The following SGCZ variants were observed in gnomAD, a reference collection of about 807,000 sequenced individuals.
SGCZ encodes sarcoglycan zeta, also known as zeta-sarcoglycan.
SGCZ carries 40 observed loss-of-function variants against 41.3 expected under a neutral mutation model. The ratio of observed to expected loss-of-function variants is 0.97; its 90% CI spans 0.75 to 1.26. The LOEUF is 1.26. Among genes scored for constraint, SGCZ ranks in the 50% most tolerant of loss-of-function variants. The pLI is 0.00. For synonymous variants in SGCZ, 206 were observed against 137.5 expected, an observed-to-expected ratio of 1.50 and a Z score of -3.49; for missense variants, 552 against 369.8, an observed-to-expected ratio of 1.49 and a Z score of -4.04.
At chr8:14,456,946 T>C (rs1800763158) in intron 2 of SGCZ, among the ~76,000 whole-genome samples, 1 of 152,218 alleles carries the variant, frequency 6.6e-6, no homozygotes, top group Non-Finnish European at 1.5e-5. Flanking sequence ...GTTCTCACTT[T>C]GCCTTCTGCC....
At position 14,656,342 on chromosome 8, in the gene SGCZ, C is replaced by T. The variant is rs557253055; in HGVS notation, c.40-101416G>A. On this transcript the variant is annotated intron_variant, in intron 1 of 7. Transcript: ENST00000382080. ...CTTCCTCCTCCTCTATCCCTCCCTT[C>T]CTTCTCTCCTTCCTTCTTCCTTTTC... Among the ~76,000 whole-genome samples the T allele has an allele frequency of 1.4e-3, 211 of 151,306 alleles. 1 individual carries two copies. Among genetic ancestry groups the T allele is most frequent in the Middle Eastern group, 3.4e-3 (1 of 292 alleles).
chr8:14,153,705 CA>C (rs974699264), intron 5 of SGCZ, among the ~76,000 whole-genome samples: 2 of 152,080 alleles, frequency 1.3e-5, no homozygotes, highest in Admixed American at 6.5e-5. Flanking sequence ...CTAAGGACCA[CA>C]TAGCCATTGA....
chr8:14,110,356 G>A (rs1264423970), intron 5 of SGCZ, among the ~76,000 whole-genome samples: 3 of 151,758 alleles, frequency 2.0e-5, no homozygotes, highest in Non-Finnish European at 2.9e-5. Flanking sequence ...ATTAAACATC[G>A]GTAATATTTA....
At chr8:15,185,340 G>C (rs1347879919) in intron 1 of SGCZ, among the ~76,000 whole-genome samples, 2 of 152,160 alleles carry the variant, frequency 1.3e-5, no homozygotes, top group Non-Finnish European at 1.5e-5. Context: ...TAAAAAATGT[G>C]TTGGTTTTTA....
intron 7 of SGCZ, among the ~76,000 whole-genome samples, chr8:14,094,931 C>T (rs558945940): frequency 8.5e-5 from 13 of 152,192 alleles, no homozygotes; most frequent in African/African-American, 2.9e-4. Flanking sequence ...GCATAAATAT[C>T]TTCTTTGGAC....
intron 1 of SGCZ, among the ~76,000 whole-genome samples, chr8:15,007,850 A>G (rs960885819): frequency 1.3e-5 from 2 of 152,214 alleles, no homozygotes; most frequent in Non-Finnish European, 2.9e-5. Flanking sequence ...TCAAACTTAC[A>G]TATGAGAACT....
intron 2 of SGCZ, among the ~76,000 whole-genome samples, chr8:14,418,439 G>A (rs1026517050): frequency 1.3e-5 from 2 of 151,932 alleles, no homozygotes; most frequent in Non-Finnish European, 2.9e-5. Context: ...ACTTCTGGTA[G>A]TATGATTGTA....
intron 1 of SGCZ, among the ~76,000 whole-genome samples, chr8:14,658,952 T>C (rs1277140589): frequency 6.6e-6 from 1 of 151,926 alleles, no homozygotes; most frequent in Non-Finnish European, 1.5e-5. Flanking sequence ...ACGAAAAAAG[T>C]CTCTACAGCT....
intron 4 of SGCZ, among the ~76,000 whole-genome samples, chr8:14,190,014 CTTTTTT>C (rs71304966): frequency 4.0e-5 from 4 of 100,202 alleles, no homozygotes; most frequent in African/African-American, 1.4e-4. Context: ...TTCTTTCTTT[CTTTTTT>C]TTTTTTTTTT....
chr8:14,107,364 G>A (rs1802238002), intron 6 of SGCZ, among the ~76,000 whole-genome samples: 1 of 151,962 alleles, frequency 6.6e-6, no homozygotes, highest in Non-Finnish European at 1.5e-5. Context: ...ATTTTCCTGG[G>A]TAGTGAGAGC....
chr8:15,214,785 G>T (rs529054707), intron 1 of SGCZ, among the ~76,000 whole-genome samples: 1 of 152,116 alleles, frequency 6.6e-6, no homozygotes, highest in Non-Finnish European at 1.5e-5. Flanking sequence ...TATCTAGGCC[G>T]CTGATGGTGC....
intron 4 of SGCZ, among the ~76,000 whole-genome samples, chr8:14,180,891 G>C (rs1017586423): frequency 6.6e-6 from 1 of 151,744 alleles, no homozygotes; most frequent in African/African-American, 2.4e-5. Flanking sequence ...TACGGCAGTG[G>C]GGAGTGCCAT....
At chr8:14,546,051 C>A (rs1026084596) in intron 2 of SGCZ, among the ~76,000 whole-genome samples, 11 of 152,112 alleles carry the variant, frequency 7.2e-5, no homozygotes, top group African/African-American at 2.7e-4. Flanking sequence ...AAGATTTCAT[C>A]TGAGAGGGAC....
intron 2 of SGCZ, among the ~76,000 whole-genome samples, chr8:14,513,439 T>A (rs1365584669): frequency 1.7e-5 from 2 of 117,656 alleles, no homozygotes; most frequent in African/African-American, 7.0e-5. Context: ...AACTCACAAG[T>A]CCATAGAGTT....
At chr8:14,791,588 C>T (rs1216068090) in intron 1 of SGCZ, among the ~76,000 whole-genome samples, 2 of 152,192 alleles carry the variant, frequency 1.3e-5, no homozygotes, top group Non-Finnish European at 2.9e-5. Context: ...ACTCCCAAAC[C>T]CATCCCCAAT....
chr8:14,713,247 G>A (rs1298864039), intron 1 of SGCZ, among the ~76,000 whole-genome samples: 4 of 152,150 alleles, frequency 2.6e-5, no homozygotes, highest in African/African-American at 9.7e-5. Context: ...GCGTATCAAA[G>A]TTAGACAAAT....
In SGCZ at chr8:15,107,801, G is replaced by C. The variant is rs557850642; in HGVS notation, c.39+129784C>G. ...TGGCCTAGCACTCTTTGGAGATTTG[G>C]TGTTTGAAAATATTACCCATTTCTT... On this transcript the variant is annotated intron_variant, in intron 1 of 7. Transcript: ENST00000382080. 7.2e-5 allele frequency among the ~76,000 whole-genome samples: 11 copies of C among 152,242 alleles called. No individual in the cohort carries two copies. The Middle Eastern group carries it at 0.01, about 142-fold the overall frequency.
intron 1 of SGCZ, among the ~76,000 whole-genome samples, chr8:15,010,750 G>T (rs1390042994): frequency 6.6e-6 from 1 of 152,146 alleles, no homozygotes; most frequent in Non-Finnish European, 1.5e-5. Flanking sequence ...TCTAGGTATG[G>T]TTAGAAAAGC....
intron 5 of SGCZ, among the ~76,000 whole-genome samples, chr8:14,150,472 G>GTCA (rs1803666577): frequency 6.6e-6 from 1 of 152,112 alleles, no homozygotes. Context: ...ACAAGGAGAT[G>GTCA]TCATCTTACC....
Sources: allele counts gnomAD v4.1 joint callset (sites outside exome capture counted in the v4.1 genomes callset), GRCh38; gene constraint gnomAD v4.1.1; transcripts MANE v1.5; gene names NCBI Gene and HGNC (gene_info 2026-07-23, HGNC 2026-07-21).